Variants in GRIN2B observed in about 807,000 individuals in gnomAD.
GRIN2B encodes the protein glutamate receptor ionotropic, NMDA 2B.
GRIN2B carries 5 observed loss-of-function variants against 114.5 expected under a neutral mutation model. The observed-to-expected ratio is 0.04, with a 90% confidence interval of 0.02 to 0.09. GRIN2B has a LOEUF of 0.09. Among genes scored for constraint, GRIN2B ranks in the 10% least tolerant of loss-of-function variants. The pLI is 1.00. For missense variants in GRIN2B, 1,108 were observed against 1,943.5 expected (o/e 0.57, Z 8.08); for synonymous variants, 787 against 745.1 (o/e 1.06, Z -0.92).
At chr12:13,903,491 T>C (rs1866490233) in intron 2 of GRIN2B, among the ~76,000 whole-genome samples, 1 of 152,134 alleles carries the variant, frequency 6.6e-6, no homozygotes, top group African/African-American at 2.4e-5. Context: ...ACACGAGTTA[T>C]TTATCCAAAA....
At chr12:13,585,768 A>C (rs1296943059) in intron 10 of GRIN2B, among the ~76,000 whole-genome samples, 1 of 152,216 alleles carries the variant, frequency 6.6e-6, no homozygotes, top group Non-Finnish European at 1.5e-5. Context: ...GAGGAAACAG[A>C]GGCCTGGGAA....
At chr12:13,888,669 G>A (rs1433787590) in intron 2 of GRIN2B, among the ~76,000 whole-genome samples, 2 of 151,838 alleles carry the variant, frequency 1.3e-5, no homozygotes, top group Non-Finnish European at 2.9e-5. Context: ...GGGAGGTGGA[G>A]GTTGTAGAGA....
rs1176319534 is a variant in GRIN2B, at chr12:13,576,684, C to A, written c.2011-4720G>T. On this transcript the variant is annotated intron_variant, in intron 10 of 13. Coordinates refer to ENST00000609686, the MANE Select transcript of GRIN2B (RefSeq NM_000834.5). ...CCTCCCACTTCAGCCTCCCAGGTAA[C>A]TGAGACTACACATGTGAGCAACCAC... Among the ~76,000 whole-genome samples, 4 of 152,070 alleles carry A rather than the reference C, an allele frequency of 2.6e-5. No individual in the cohort carries two copies. The East Asian group carries it at 7.7e-4, about 29-fold the overall frequency.
chr12:13,938,728 T>C (rs1246267682), intron 2 of GRIN2B, among the ~76,000 whole-genome samples: 1 of 152,176 alleles, frequency 6.6e-6, no homozygotes, highest in African/African-American at 2.4e-5. Context: ...GGTAGGGAAC[T>C]GGTGAGTAAA....
intron 2 of GRIN2B, among the ~76,000 whole-genome samples, chr12:13,874,692 C>T (rs933206907): frequency 3.9e-5 from 6 of 152,164 alleles, no homozygotes; most frequent in African/African-American, 1.4e-4. Context: ...AGCAAAATAG[C>T]ATTTTCAAGT....
intron 3 of GRIN2B, among the ~76,000 whole-genome samples, chr12:13,844,222 T>C (rs1478556462): frequency 6.6e-6 from 1 of 152,226 alleles, no homozygotes; most frequent in South Asian, 2.1e-4. Flanking sequence ...ATATTTGGCT[T>C]GAATGGTTTT....
chr12:13,734,306 G>C (rs1286631612), intron 4 of GRIN2B, among the ~76,000 whole-genome samples: 1 of 152,188 alleles, frequency 6.6e-6, no homozygotes, highest in Admixed American at 6.5e-5. Flanking sequence ...TGGCAAGAAA[G>C]GATGACTTAA....
chr12:13,688,921 C>A (rs1950192130), intron 4 of GRIN2B, among the ~76,000 whole-genome samples: 1 of 152,206 alleles, frequency 6.6e-6, no homozygotes. Flanking sequence ...TCCACAGATT[C>A]ACACCGTAGA....
chr12:13,752,355 A>G (rs987544167), intron 4 of GRIN2B, among the ~76,000 whole-genome samples: 1 of 152,212 alleles, frequency 6.6e-6, no homozygotes, highest in Non-Finnish European at 1.5e-5. Flanking sequence ...ATATTTCCAT[A>G]TATGTAACAT....
At chr12:13,733,691 G>A (rs915213773) in intron 4 of GRIN2B, among the ~76,000 whole-genome samples, 1 of 151,994 alleles carries the variant, frequency 6.6e-6, no homozygotes, top group African/African-American at 2.4e-5. Context: ...ATAATATTGT[G>A]GTATAAATGA....
intron 4 of GRIN2B, among the ~76,000 whole-genome samples, chr12:13,745,607 CTG>C (rs1377870825): frequency 2.0e-5 from 3 of 152,238 alleles, no homozygotes; most frequent in African/African-American, 4.8e-5. Flanking sequence ...CGCTCTGAGA[CTG>C]TGTTTTCACA....
At chr12:13,860,236 C>T (rs1202250648) in intron 3 of GRIN2B, among the ~76,000 whole-genome samples, 4 of 152,182 alleles carry the variant, frequency 2.6e-5, no homozygotes, top group African/African-American at 9.6e-5. Context: ...GGGCCATCTT[C>T]CTATCCCCAA....
chr12:13,609,500 A>G (rs2136471602), intron 9 of GRIN2B, among the ~76,000 whole-genome samples: 1 of 152,274 alleles, frequency 6.6e-6, no homozygotes, highest in East Asian at 1.9e-4. Context: ...GAGGCCAGGC[A>G]TGGTGGCTCA....
intron 3 of GRIN2B, among the ~76,000 whole-genome samples, chr12:13,825,619 T>A (rs1457567503): frequency 2.7e-5 from 4 of 149,912 alleles, no homozygotes; most frequent in Non-Finnish European, 5.9e-5. Context: ...TGGGTTCAAG[T>A]GATTCTCCTG....
At chr12:13,737,197 G>C (rs545223794) in intron 4 of GRIN2B, among the ~76,000 whole-genome samples, 27 of 152,002 alleles carry the variant, frequency 1.8e-4, no homozygotes, top group African/African-American at 6.3e-4. Context: ...ACTCCAGAAA[G>C]CTCATATAAT....
intron 2 of GRIN2B, among the ~76,000 whole-genome samples, chr12:13,954,822 A>AAAAAAAAAAAAAC (rs1208089901): frequency 6.8e-6 from 1 of 147,654 alleles, no homozygotes; most frequent in East Asian, 1.9e-4. Flanking sequence ...AAAAAAAAAA[A>AAAAAAAAAAAAAC]AAAAAAACTT....
At chr12:13,973,376 C>T (rs1862963154) in intron 2 of GRIN2B, among the ~76,000 whole-genome samples, 1 of 152,120 alleles carries the variant, frequency 6.6e-6, no homozygotes. Flanking sequence ...GCATAGTTTG[C>T]CGTTGGTGAG....
chr12:13,665,468 C>T (rs1949965318), intron 5 of GRIN2B, among the ~76,000 whole-genome samples: 1 of 152,066 alleles, frequency 6.6e-6, no homozygotes, highest in Admixed American at 6.6e-5. Context: ...ATGAATTTAT[C>T]CCCATTGACA....
chr12:13,872,158 G>T (rs939156187), intron 2 of GRIN2B, among the ~76,000 whole-genome samples: 6 of 151,692 alleles, frequency 4.0e-5, no homozygotes, highest in Admixed American at 2.6e-4. Context: ...TATAAGAAAA[G>T]ATTATTATAA....
Sources: allele counts gnomAD v4.1 joint callset (sites outside exome capture counted in the v4.1 genomes callset), GRCh38; gene constraint gnomAD v4.1.1; transcripts MANE v1.5; gene names NCBI Gene and HGNC (gene_info 2026-07-23, HGNC 2026-07-21).